The following MEG3 variants were observed in gnomAD, a reference collection of about 807,000 sequenced individuals.
MEG3 encodes the protein maternally expressed 3.
exon 1 of MEG3, chr14:100,834,547 C>T: frequency 2.6e-6 from 1 of 388,572 alleles, no homozygotes; most frequent in Non-Finnish European, 5.2e-6. Flanking sequence ...AACCTGGCTC[C>T]TTGAGTCCCT....
intron 3 of MEG3, chr14:100,847,133 C>G (rs1037101637): frequency 1.3e-5 from 2 of 151,702 alleles, no homozygotes; most frequent in African/African-American, 4.8e-5. Context: ...AATATATGCT[C>G]CTGGCATAGA....
chr14:100,851,959 C>T, intron 3 of MEG3: 1 of 184,094 alleles, frequency 5.4e-6, no homozygotes, highest in East Asian at 1.6e-4. Flanking sequence ...GGACCAAAGT[C>T]TCCCTTGTTG....
chr14:100,858,027 T>C (rs1245660294), exon 1 of MEG3: 1 of 152,324 alleles, frequency 6.6e-6, no homozygotes, highest in East Asian at 1.9e-4. Context: ...TTCCCTTCTC[T>C]AACTGGGGTG....
At chr14:100,852,174 G>A in intron 3 of MEG3, 2 of 371,412 alleles carry the variant, frequency 5.4e-6, no homozygotes, top group South Asian at 3.9e-5. Flanking sequence ...GGGGAGTGCG[G>A]GCGCAGGCAT....
At chr14:100,839,213 G>T (rs530273640) in intron 2 of MEG3, among the ~76,000 whole-genome samples, 1 of 152,268 alleles carries the variant, frequency 6.6e-6, no homozygotes, top group South Asian at 2.1e-4. Flanking sequence ...AAGGGTTAAA[G>T]GGCAGTGGAC....
intron 1 of MEG3, among the ~76,000 whole-genome samples, chr14:100,826,866 CAG>C (rs2037247651): frequency 6.6e-6 from 1 of 152,094 alleles, no homozygotes; most frequent in Non-Finnish European, 1.5e-5. Flanking sequence ...GCCACTTTCA[CAG>C]TGGAGAGAGA....
At chr14:100,850,547 C>T in intron 3 of MEG3, 1 of 149,488 alleles carries the variant, frequency 6.7e-6, no homozygotes, top group Non-Finnish European at 1.5e-5. Context: ...TGTAGTGAGC[C>T]AAGATTGCAC....
At chr14:100,853,671 G>A (rs373488795), upstream of MEG3, 4 of 151,352 alleles carry the variant, frequency 2.6e-5, no homozygotes, top group East Asian at 1.9e-4. Flanking sequence ...CACTTGCTGC[G>A]TTGTGCCTTG....
At chr14:100,842,534 T>G (rs1395787482) in intron 2 of MEG3, among the ~76,000 whole-genome samples, 1 of 152,190 alleles carries the variant, frequency 6.6e-6, no homozygotes, top group Non-Finnish European at 1.5e-5. Context: ...AGCTTGCATT[T>G]GTCAGGGGAA....
rs2037621464 is a variant in MEG3, at chr14:100,837,511, T to A, written n.3045+1211T>A. ...GAGGCTTGAGGGGGCCCTAGCACTG[T>A]CCTTGGCCCAGATGCCAATACTCCC... is the stretch of plus-strand genomic sequence containing the variant. On this transcript the variant is annotated intron_variant and non_coding_transcript_variant, in intron 2 of 3. Coordinates refer to the MEG3 transcript ENST00000398461. The surrounding 1 kb of genome is among the most constrained non-coding windows in gnomAD (Gnocchi z 5.8). Among the ~76,000 whole-genome samples the A allele has an allele frequency of 6.6e-6, 1 of 152,136 alleles. No homozygotes were observed. The highest frequency in any genetic ancestry group is 6.5e-5 in the Admixed American group (1 of 15,284).
In MEG3 at chr14:100,852,021, G is replaced by A. The variant is rs78555954; in HGVS notation, n.3121+6488G>A. The A allele has an allele frequency of 7.7e-3, 1,813 of 235,934 alleles. 31 individuals carry two copies. Among genetic ancestry groups the A allele is most frequent in the African/African-American group, 0.039 (1,691 of 43,402 alleles). 14.6% of individuals were successfully genotyped at this position (235,934 alleles called of 1,614,324 possible). A position where few individuals can be genotyped will look rare whatever the true frequency, so the allele number is the denominator to read the frequency against. On this transcript the variant is annotated intron_variant and non_coding_transcript_variant, in intron 3 of 3. Coordinates refer to the MEG3 transcript ENST00000398461. Reference sequence around the variant, plus strand: ...TAAAAACACTGGATTCTTAACAAGCGCCCGGAGCAGTAGGAGCACAGCTTG... The same window carrying A: ...TAAAAACACTGGATTCTTAACAAGCACCCGGAGCAGTAGGAGCACAGCTTG...
intron 1 of MEG3, chr14:100,835,974 A>G (rs1425076433): frequency 9.0e-6 from 3 of 334,320 alleles, no homozygotes; most frequent in Non-Finnish European, 1.7e-5. Flanking sequence ...TCAGTTCTGG[A>G]TTTGGGGCTG....
Position 100,845,160 on chromosome 14 carries a change from A to T in MEG3, n.3046-298A>T, listed in dbSNP as rs192769985. ...CCTGGGCCACCCCCGTTTCTCATCT[A>T]TGCAGGGTCCTAAGCCTTTGGGTCC... On this transcript the variant is annotated intron_variant and non_coding_transcript_variant, in intron 2 of 3. Coordinates refer to the MEG3 transcript ENST00000398461. The surrounding 1 kb of genome is among the most constrained non-coding windows in gnomAD (Gnocchi z 5.2). Among the ~76,000 whole-genome samples, 2 of 152,248 alleles carry T rather than the reference A, an allele frequency of 1.3e-5. No homozygotes were observed. The highest frequency in any genetic ancestry group is 1.9e-4 in the East Asian group (1 of 5,170).
At chr14:100,827,723 G>T (rs1254890116) in intron 1 of MEG3, among the ~76,000 whole-genome samples, 1 of 152,218 alleles carries the variant, frequency 6.6e-6, no homozygotes, top group African/African-American at 2.4e-5. Flanking sequence ...CGAAGGCGGG[G>T]AGCGGCGTGG....
intron 2 of MEG3, chr14:100,828,941 A>G (rs1368471712): frequency 1.3e-5 from 2 of 152,156 alleles, no homozygotes; most frequent in African/African-American, 4.8e-5. Flanking sequence ...AATTTTAACT[A>G]ATCAGCTTTA....
At chr14:100,844,609 T>C (rs191291877) in intron 2 of MEG3, among the ~76,000 whole-genome samples, 1 of 152,274 alleles carries the variant, frequency 6.6e-6, no homozygotes, top group Admixed American at 6.5e-5. Flanking sequence ...TTCCGATCGA[T>C]GGAACGACTC....
At chr14:100,836,226 AGGCCCTGATGG>A (rs2037573410) in exon 2 of MEG3, 1 of 456,528 alleles carries the variant, frequency 2.2e-6, no homozygotes, top group Admixed American at 2.4e-5. Flanking sequence ...GCTGCGGAAG[AGGCCCTGATGG>A]GGCCCACCAT....
intron 2 of MEG3, among the ~76,000 whole-genome samples, chr14:100,840,130 A>G (rs997902400): frequency 1.3e-5 from 2 of 152,196 alleles, no homozygotes; most frequent in African/African-American, 4.8e-5. Context: ...AGAGGAGTTC[A>G]TTAAGGGAGA....
At chr14:100,842,413 AG>A (rs2037787338) in intron 2 of MEG3, among the ~76,000 whole-genome samples, 1 of 152,170 alleles carries the variant, frequency 6.6e-6, no homozygotes, top group Non-Finnish European at 1.5e-5. Flanking sequence ...TGCGAGAGAG[AG>A]GGGACATGAT....
Sources: allele counts gnomAD v4.1 joint callset (sites outside exome capture counted in the v4.1 genomes callset), GRCh38; gene constraint gnomAD v4.1.1; non-coding constraint Gnocchi (gnomAD v3.1); transcripts MANE v1.5; gene names NCBI Gene and HGNC (gene_info 2026-07-23, HGNC 2026-07-21).